Variants in MYO9A observed in about 807,000 individuals in gnomAD.
The protein encoded by MYO9A is myosin IXA.
Under a neutral mutation model 293.3 loss-of-function variants are expected in MYO9A, and 103 were observed. That is an observed-to-expected ratio of 0.35 (90% CI 0.30 to 0.41). MYO9A has a LOEUF of 0.41. MYO9A is among the 10% of genes least tolerant of loss of function. MYO9A has a pLI of 1.00. For synonymous variants in MYO9A, 1,001 were observed against 1,035.7 expected (o/e 0.97, Z 0.64); for missense variants, 2,685 against 3,033.0 (o/e 0.89, Z 2.69).
intron 26 of MYO9A, chr15:71,892,850 G>A (rs1268822555): frequency 6.9e-6 from 4 of 579,854 alleles, no homozygotes; most frequent in Non-Finnish European, 9.9e-6. Flanking sequence ...GTTCACTGAG[G>A]TTTCCCATGC....
intron 6 of MYO9A, among the ~76,000 whole-genome samples, chr15:72,018,264 T>C (rs1226857429): frequency 1.3e-5 from 2 of 152,008 alleles, no homozygotes; most frequent in Non-Finnish European, 2.9e-5. Context: ...GGCCATGAGT[T>C]CAAGACCAGC....
At chr15:71,937,328 T>A (rs898547304) in intron 16 of MYO9A, among the ~76,000 whole-genome samples, 9 of 151,924 alleles carry the variant, frequency 5.9e-5, no homozygotes, top group Non-Finnish European at 1.2e-4. Context: ...AAGAGGCAAC[T>A]GATGTGCAAA....
intron 35 of MYO9A, among the ~76,000 whole-genome samples, chr15:71,853,319 A>G (rs565019219): frequency 2.0e-4 from 30 of 152,366 alleles, no homozygotes; most frequent in African/African-American, 7.2e-4. Flanking sequence ...ATAAAAGGAC[A>G]GTGATAACTG....
At chr15:71,932,058 G>A (rs890446531) in intron 18 of MYO9A, among the ~76,000 whole-genome samples, 5 of 152,104 alleles carry the variant, frequency 3.3e-5, no homozygotes, top group African/African-American at 1.2e-4. Flanking sequence ...AGGAAATTAG[G>A]ATGTGCCAAG....
At chr15:72,037,754 CATT>C (rs998100206) in intron 2 of MYO9A, among the ~76,000 whole-genome samples, 1 of 151,986 alleles carries the variant, frequency 6.6e-6, no homozygotes, top group African/African-American at 2.4e-5. Context: ...GGTGCCACAT[CATT>C]ATTATTATTT....
intron 13 of MYO9A, among the ~76,000 whole-genome samples, chr15:71,965,858 C>A (rs1388171051): frequency 6.6e-6 from 1 of 152,008 alleles, no homozygotes; most frequent in Non-Finnish European, 1.5e-5. Flanking sequence ...TATTTCTGGT[C>A]TTAAAGTCTA....
chr15:72,084,253 T>G (rs1187195726), intron 1 of MYO9A, among the ~76,000 whole-genome samples: 1 of 152,208 alleles, frequency 6.6e-6, no homozygotes, highest in Non-Finnish European at 1.5e-5. Context: ...AATGCCCTTC[T>G]TTGTCCTTCT....
intron 14 of MYO9A, among the ~76,000 whole-genome samples, chr15:71,958,299 T>C (rs1474808114): frequency 6.6e-6 from 1 of 152,150 alleles, no homozygotes; most frequent in Non-Finnish European, 1.5e-5. Context: ...TTTTACAATC[T>C]GTTAGTTTTT....
At chr15:71,868,799 G>A (rs2056417834) in intron 32 of MYO9A, among the ~76,000 whole-genome samples, 1 of 152,058 alleles carries the variant, frequency 6.6e-6, no homozygotes, top group Non-Finnish European at 1.5e-5. Flanking sequence ...GACAAAGGGG[G>A]TTGGAGTTAG....
intron 14 of MYO9A, among the ~76,000 whole-genome samples, chr15:71,957,419 C>T (rs1385122522): frequency 1.3e-5 from 2 of 152,070 alleles, no homozygotes; most frequent in Admixed American, 6.5e-5. Context: ...TGATGTCTAT[C>T]CAAAACCCTT....
chr15:71,978,302 C>A lies in MYO9A; in HGVS notation c.1723-10G>T, dbSNP rs751970321. 4.8e-5 allele frequency: 76 copies of A among 1,586,978 alleles called. No individual in the cohort carries two copies. Among genetic ancestry groups the A allele is most frequent in the African/African-American group, 1.5e-4 (11 of 73,064 alleles). On this transcript the variant is annotated splice_polypyrimidine_tract_variant and intron_variant, in intron 11 of 41. Coordinates refer to ENST00000356056, the MANE Select transcript of MYO9A (RefSeq NM_006901.4). ...CAGTTCTATATTCCTCCTAGAAAAA[C>A]CAAAAAATAAAATAACAATTTATTC...
chr15:71,968,088 A>C lies in MYO9A; in HGVS notation c.1882T>G (p.Phe628Val). The change falls in exon 13 of 42, where the codon TTT becomes GTT. Residue 628 changes from phenylalanine to valine, a missense_variant. By Grantham distance (50) the Phe-to-Val change is conservative. Coordinates refer to ENST00000356056, the MANE Select transcript of MYO9A (RefSeq NM_006901.4). ...QATNQTLLDK[F>V]KHQHEDNSYI... ...GAATTATCTTCATGTTGATGCTTAAACTTGTCTAGCAATGTTTGATTTGTA... is the reference window on the plus strand; with the variant it reads ...GAATTATCTTCATGTTGATGCTTAACCTTGTCTAGCAATGTTTGATTTGTA... The C allele has an allele frequency of 6.2e-7, 1 of 1,610,402 alleles. No homozygotes were observed.
At chr15:72,007,761 T>TA (rs2148879792) in intron 8 of MYO9A, 65 bp downstream of exon 8, 2 of 1,522,656 alleles carry the variant, frequency 1.3e-6, no homozygotes, top group East Asian at 4.6e-5. Flanking sequence ...ACCTACAAAA[T>TA]ACACAAAATA....
At position 71,879,721 on chromosome 15, in the gene MYO9A, C is replaced by T. The variant is rs759757551; in HGVS notation, c.5739G>A (p.Ala1913=). ...TATCTCCTAACATAGTCCAACTCAC[C>T]GCCAATGCAGATGAATAAAAGCTGA... ...NIFSFYSSAL[A]MDDGKSIRYK... is the part of the protein sequence containing the mutation. Residue 1913 remains alanine, a splice_region_variant and synonymous_variant, in exon 30 of 42, where the codon GCG becomes GCA. Coordinates refer to ENST00000356056, the MANE Select transcript of MYO9A (RefSeq NM_006901.4). The T allele has an allele frequency of 4.9e-5, 79 of 1,603,514 alleles. No homozygotes were observed. The highest frequency in any genetic ancestry group is 5.4e-5 in the Non-Finnish European group (63 of 1,170,900).
In MYO9A at chr15:71,828,083, C is replaced by T. The variant is rs1374933911; in HGVS notation, c.7041-57G>A. 5.2e-6 allele frequency: 8 copies of T among 1,549,094 alleles called. No homozygotes were observed. In the East Asian group the frequency reaches 1.8e-4, roughly 36 times the overall value. On this transcript the variant is annotated intron_variant, in intron 40 of 41. Transcript: ENST00000356056. ...TTGATAGGAAGTGGAAGGAAGATAA[C>T]AGAAAAAAAGATCCTCCATGGAAGT...
At chr15:72,114,805 T>C (rs1462906446) in intron 1 of MYO9A, among the ~76,000 whole-genome samples, 2 of 152,196 alleles carry the variant, frequency 1.3e-5, no homozygotes, top group Non-Finnish European at 2.9e-5. Flanking sequence ...TTTTAAAATG[T>C]CTGAAAAGTC....
At chr15:71,951,997 T>C (rs569910575) in intron 14 of MYO9A, 101 bp from the exon 15 acceptor site, 1 of 1,249,098 alleles carries the variant, frequency 8.0e-7, no homozygotes, top group Admixed American at 2.8e-5. Context: ...CTGCCAACTA[T>C]TTAAGGGTGT....
intron 36 of MYO9A, 126 bp downstream of exon 36, chr15:71,852,006 G>T: frequency 8.7e-7 from 1 of 1,151,100 alleles, no homozygotes; most frequent in Non-Finnish European, 1.2e-6. Flanking sequence ...TGTATTCACT[G>T]TCAAAAGCTT....
intron 1 of MYO9A, among the ~76,000 whole-genome samples, chr15:72,103,625 G>A (rs1169412143): frequency 1.7e-5 from 2 of 120,202 alleles, no homozygotes; most frequent in Non-Finnish European, 3.5e-5. Flanking sequence ...AACAGAAGAA[G>A]CAGAAGAAGA....
Sources: allele counts gnomAD v4.1 joint callset (sites outside exome capture counted in the v4.1 genomes callset), GRCh38; gene constraint gnomAD v4.1.1; transcripts MANE v1.5; gene names NCBI Gene and HGNC (gene_info 2026-07-23, HGNC 2026-07-21).